Variants in PLCB1 observed in about 807,000 individuals in gnomAD.
PLCB1 encodes the protein phospholipase C beta 1.
PLCB1 carries 46 observed loss-of-function variants against 161.8 expected under a neutral mutation model. That is an observed-to-expected ratio of 0.28 (90% CI 0.22 to 0.36). PLCB1 has a LOEUF of 0.36. PLCB1 is among the 10% of genes least tolerant of loss of function. The probability of loss-of-function intolerance (pLI) is 1.00; values close to 1 mark genes in which losing one functional copy is unlikely to be tolerated. For synonymous variants in PLCB1, 517 were observed against 503.7 expected (o/e 1.03, Z -0.35); for missense variants, 1,016 against 1,472.5 (o/e 0.69, Z 5.07).
chr20:8,522,826 G>A (rs1984405793), intron 3 of PLCB1, among the ~76,000 whole-genome samples: 1 of 152,124 alleles, frequency 6.6e-6, no homozygotes, highest in Admixed American at 6.6e-5. Flanking sequence ...ATTAAGATAA[G>A]AATGTGAAAT....
At chr20:8,859,298 A>G (rs1048730192) in intron 31 of PLCB1, among the ~76,000 whole-genome samples, 3 of 152,248 alleles carry the variant, frequency 2.0e-5, no homozygotes, top group Non-Finnish European at 4.4e-5. Context: ...AGTTCAGTCT[A>G]AACACTTTCA....
chr20:8,475,497 C>A (rs994497048), intron 3 of PLCB1, among the ~76,000 whole-genome samples: 84 of 152,166 alleles, frequency 5.5e-4, no homozygotes, highest in African/African-American at 2.0e-3. Context: ...TCTAATTTTA[C>A]AAACAAGGTA....
intron 9 of PLCB1, among the ~76,000 whole-genome samples, chr20:8,676,027 T>G (rs1373388328): frequency 6.6e-6 from 1 of 152,206 alleles, no homozygotes; most frequent in Non-Finnish European, 1.5e-5. Context: ...TATTTATTCT[T>G]TGGAGTCAGG....
chr20:8,628,544 T>G (rs1428334556), intron 4 of PLCB1, 113 bp downstream of exon 4: 3 of 1,100,298 alleles, frequency 2.7e-6, no homozygotes, highest in Non-Finnish European at 4.0e-6. Flanking sequence ...TGTTAAAATT[T>G]CACCTAAAAA....
rs542407666 is a variant in PLCB1 at position 8,212,064 on chromosome 20, A to C, written c.177+61693A>C. Among the ~76,000 whole-genome samples the C allele has an allele frequency of 2.0e-4, 31 of 152,226 alleles. 1 individual carries two copies. The highest frequency in any genetic ancestry group is 7.2e-4 in the Admixed American group (11 of 15,272). Reference sequence around the variant, plus strand: ...ACTTCATTCCAGCCCACCCAGGGACAAGGAACTTCTCCAATATATTTATAT... The same window carrying C: ...ACTTCATTCCAGCCCACCCAGGGACCAGGAACTTCTCCAATATATTTATAT... On this transcript the variant is annotated intron_variant, in intron 2 of 31. Transcript: ENST00000338037.
At chr20:8,671,776 A>G (rs1989950780) in intron 9 of PLCB1, among the ~76,000 whole-genome samples, 3 of 152,150 alleles carry the variant, frequency 2.0e-5, no homozygotes, top group Admixed American at 1.3e-4. Flanking sequence ...CAGTGTTAGG[A>G]AAGTTATGTG....
intron 9 of PLCB1, among the ~76,000 whole-genome samples, chr20:8,684,179 C>T (rs1441366279): frequency 2.0e-5 from 3 of 151,584 alleles, no homozygotes; most frequent in South Asian, 2.1e-4. Flanking sequence ...CCACCGCGCC[C>T]AGCCCCAAAA....
intron 2 of PLCB1, among the ~76,000 whole-genome samples, chr20:8,279,980 A>T (rs1336038046): frequency 6.6e-6 from 1 of 152,118 alleles, no homozygotes; most frequent in Non-Finnish European, 1.5e-5. Context: ...TCACTTCATA[A>T]TGATTTGTTT....
chr20:8,221,481 C>A (rs1979404953), intron 2 of PLCB1, among the ~76,000 whole-genome samples: 1 of 152,088 alleles, frequency 6.6e-6, no homozygotes, highest in South Asian at 2.1e-4. Context: ...CTTACAATTT[C>A]TTTACAGATT....
chr20:8,161,989 A>G (rs2051629891), intron 2 of PLCB1, among the ~76,000 whole-genome samples: 1 of 152,154 alleles, frequency 6.6e-6, no homozygotes, highest in Admixed American at 6.6e-5. Flanking sequence ...CCAGATTCTG[A>G]ATTATTTGAC....
chr20:8,158,663 C>T (rs927824670), intron 2 of PLCB1, among the ~76,000 whole-genome samples: 1 of 152,112 alleles, frequency 6.6e-6, no homozygotes, highest in Non-Finnish European at 1.5e-5. Context: ...CCTGTAAAAT[C>T]GAAAGCTAGT....
chr20:8,411,745 C>T (rs924060125), intron 3 of PLCB1, among the ~76,000 whole-genome samples: 4 of 152,044 alleles, frequency 2.6e-5, no homozygotes, highest in Non-Finnish European at 5.9e-5. Context: ...ATTTCCTGGC[C>T]GGGCACGGTG....
intron 31 of PLCB1, among the ~76,000 whole-genome samples, chr20:8,868,973 T>G (rs148155149): frequency 1.3e-5 from 2 of 152,188 alleles, no homozygotes; most frequent in African/African-American, 4.8e-5. Flanking sequence ...GATTCTGCGC[T>G]GAACCACTTG....
chr20:8,532,580 A>T (rs1444773953), intron 3 of PLCB1, among the ~76,000 whole-genome samples: 2 of 152,236 alleles, frequency 1.3e-5, no homozygotes, highest in Non-Finnish European at 2.9e-5. Flanking sequence ...GATTCTAAAG[A>T]TTCACATTAA....
At chr20:8,660,559 A>G (rs115524595) in intron 9 of PLCB1, among the ~76,000 whole-genome samples, 1 of 152,176 alleles carries the variant, frequency 6.6e-6, no homozygotes, top group South Asian at 2.1e-4. Flanking sequence ...CAATGCCTCC[A>G]TACATCATCC....
intron 2 of PLCB1, among the ~76,000 whole-genome samples, chr20:8,180,971 A>G (rs367916204): frequency 1.8e-4 from 25 of 141,442 alleles, no homozygotes; most frequent in Admixed American, 9.2e-4. Context: ...GTGTGTGTGT[A>G]TGTATGTGTG....
At position 8,729,182 on chromosome 20, in the gene PLCB1, C is replaced by T. The variant is rs754884725; in HGVS notation, c.1888+8C>T. 13 of 1,601,744 alleles carry T rather than the reference C, an allele frequency of 8.1e-6. No homozygotes were observed. The South Asian group carries it at 1.4e-4, about 17-fold the overall frequency. On this transcript the variant is annotated splice_region_variant and intron_variant, in intron 18 of 31. Coordinates refer to ENST00000338037, the MANE Select transcript of PLCB1 (RefSeq NM_015192.4). ...TTAATTTCCAGACAATGGGTAAGTA[C>T]ATGCTTGTTCCCATTCTGCTATGAA...
At chr20:8,601,035 A>C (rs1031582045) in intron 3 of PLCB1, among the ~76,000 whole-genome samples, 5 of 152,114 alleles carry the variant, frequency 3.3e-5, no homozygotes, top group Non-Finnish European at 7.4e-5. Flanking sequence ...GGTACCTCAG[A>C]TGGAAATGCA....
At chr20:8,753,616 A>G (rs2327101) in intron 23 of PLCB1, among the ~76,000 whole-genome samples, 139,730 of 152,062 alleles carry the variant, frequency 0.92, 64,604 homozygotes, top group East Asian at 1. Context: ...AAGGATGCAT[A>G]GCTCACTCTT....
Sources: gnomAD v4.1 joint callset for allele counts (sites outside exome capture counted in the v4.1 genomes callset) on GRCh38, gnomAD v4.1.1 for gene constraint, MANE v1.5 for transcripts, NCBI Gene and HGNC (gene_info 2026-07-23, HGNC 2026-07-21) for gene names.